The following PPM1G variants were observed in gnomAD, a reference collection of about 807,000 sequenced individuals.
PPM1G encodes the protein protein phosphatase 1G.
Under a neutral mutation model 59.4 loss-of-function variants are expected in PPM1G, and 12 were observed. The observed-to-expected ratio is 0.20, with a 90% CI of 0.13 to 0.33. The LOEUF (loss-of-function observed/expected upper bound fraction) is 0.33, where lower values mean the gene tolerates loss of function less well. PPM1G is among the 10% of genes least tolerant of loss of function. The pLI, the probability that PPM1G is intolerant of heterozygous loss-of-function variation, is 1.00. For missense variants in PPM1G, 392 were observed against 681.3 expected (o/e 0.58, Z 4.73); for synonymous variants, 245 against 251.9 (o/e 0.97, Z 0.26).
chr2:27,392,297 T>G lies in PPM1G; in HGVS notation c.121-5139A>C, dbSNP rs532461517. Reference sequence around the variant, plus strand: ...TGTTGGTTTGTTTTGTTTTTTTTTTTTTTTTTTTTTTTTGAGAGAGAGAAT... The same window carrying G: ...TGTTGGTTTGTTTTGTTTTTTTTTTGTTTTTTTTTTTTTGAGAGAGAGAAT... On this transcript the variant is annotated intron_variant, in intron 1 of 9. Coordinates refer to ENST00000344034, the MANE Select transcript of PPM1G (RefSeq NM_177983.3). Among the ~76,000 whole-genome samples, 93 of 143,702 alleles carry G rather than the reference T, an allele frequency of 6.5e-4. No individual in the cohort carries two copies. The South Asian group carries it at 0.02, about 31-fold the overall frequency. 94.3% of individuals were successfully genotyped at this position (143,702 alleles called of 152,430 possible).
chr2:27,407,060 G>T lies in PPM1G; in HGVS notation c.120+2243C>A, dbSNP rs554550562. ...GGCTCACTGCAACCTCCGCCTCTGG[G>T]ATTCAAGCGATTCTCCTGCCTCAGC... On this transcript the variant is annotated intron_variant, in intron 1 of 9. Transcript: ENST00000344034. Among the ~76,000 whole-genome samples, 5 of 151,744 alleles carry T rather than the reference G, an allele frequency of 3.3e-5. No homozygotes were observed. The South Asian group carries it at 1.0e-3, about 32-fold the overall frequency.
At chr2:27,399,269 ACT>A (rs982548788) in intron 1 of PPM1G, among the ~76,000 whole-genome samples, 2 of 152,174 alleles carry the variant, frequency 1.3e-5, no homozygotes, top group Admixed American at 1.3e-4. Context: ...CACATAAAGA[ACT>A]CTTACACATC....
At chr2:27,397,308 T>C (rs1046623605) in intron 1 of PPM1G, among the ~76,000 whole-genome samples, 3 of 113,696 alleles carry the variant, frequency 2.6e-5, no homozygotes, top group African/African-American at 1.4e-4. Context: ...TCCCATCACA[T>C]AGAAAAGAAG....
At chr2:27,394,481 AC>A (rs1488445779) in intron 1 of PPM1G, among the ~76,000 whole-genome samples, 2 of 151,874 alleles carry the variant, frequency 1.3e-5, no homozygotes, top group Non-Finnish European at 2.9e-5. Context: ...CTGTAATCCC[AC>A]CACTTTGGGA....
chr2:27,397,456 A>C (rs1684079337), intron 1 of PPM1G, among the ~76,000 whole-genome samples: 1 of 152,206 alleles, frequency 6.6e-6, no homozygotes, highest in Non-Finnish European at 1.5e-5. Flanking sequence ...TAGCAAACTA[A>C]ATCCAGCACC....
intron 2 of PPM1G, chr2:27,386,583 C>A (rs1340887235): frequency 9.5e-6 from 2 of 211,218 alleles, no homozygotes; most frequent in East Asian, 2.3e-4. Flanking sequence ...AGACAAGAGT[C>A]TTGCTCTGTT....
chr2:27,400,003 A>G (rs1396551495), intron 1 of PPM1G, among the ~76,000 whole-genome samples: 2 of 151,842 alleles, frequency 1.3e-5, no homozygotes, highest in Non-Finnish European at 2.9e-5. Flanking sequence ...TAATGAATGG[A>G]TAAACAAAAT....
chr2:27,390,034 C>T (rs1211713452), intron 1 of PPM1G, among the ~76,000 whole-genome samples: 18 of 149,052 alleles, frequency 1.2e-4, no homozygotes, highest in South Asian at 6.3e-4. Context: ...ATCTTGTTTT[C>T]TTTTTTTTTT....
intron 1 of PPM1G, among the ~76,000 whole-genome samples, chr2:27,404,014 G>A (rs568521693): frequency 1.3e-5 from 2 of 152,236 alleles, no homozygotes; most frequent in South Asian, 2.1e-4. Context: ...CCCTAAGGTA[G>A]AACCCCATAG....
Position 27,383,942 on chromosome 2 carries a change from C to T in PPM1G, c.966+10G>A. 1 of 1,552,122 alleles carries T rather than the reference C, an allele frequency of 6.4e-7. No individual in the cohort carries two copies. Among genetic ancestry groups the T allele is most frequent in the Non-Finnish European group, 8.7e-7 (1 of 1,147,080 alleles). On this transcript the variant is annotated intron_variant, in intron 6 of 9. Transcript: ENST00000344034. The surrounding 1 kb of genome is among the most constrained non-coding windows in gnomAD (Gnocchi z 5.0). ...CTTTTCAAGACTCATTGCTCCCCTT[C>T]CCCACACACCTCCTCTTTGCCTTCC...
intron 3 of PPM1G, 77 bp downstream of exon 3, chr2:27,386,113 AAAAG>A (rs761355704): frequency 3.3e-5 from 46 of 1,387,064 alleles, no homozygotes; most frequent in Non-Finnish European, 3.9e-5. Flanking sequence ...CTAGAGGACA[AAAAG>A]AAAGGAAAAG....
At position 27,382,050 on chromosome 2, in the gene PPM1G, C is replaced by A; in HGVS notation, c.1434+76G>T. The A allele has an allele frequency of 1.4e-6, 2 of 1,422,540 alleles. No individual in the cohort carries two copies. Among genetic ancestry groups the A allele is most frequent in the South Asian group, 1.2e-5 (1 of 86,020 alleles). 88.1% of individuals were successfully genotyped at this position (1,422,540 alleles called of 1,614,324 possible). A position where few individuals can be genotyped will look rare whatever the true frequency, so the allele number is the denominator to read the frequency against. Reference sequence around the variant, plus strand: ...ATTACTGATAATGCTCCCAGATTGCCGACTTAGCTCAGATTAAAAGAGTGA... The same window carrying A: ...ATTACTGATAATGCTCCCAGATTGCAGACTTAGCTCAGATTAAAAGAGTGA... On this transcript the variant is annotated intron_variant, in intron 9 of 9. Coordinates refer to ENST00000344034, the MANE Select transcript of PPM1G (RefSeq NM_177983.3). This position sits in a 1 kb window ranked among gnomAD's most constrained non-coding sequence, Gnocchi z 4.2.
chr2:27,392,298 T>G (rs143820230), intron 1 of PPM1G, among the ~76,000 whole-genome samples: 55,949 of 143,754 alleles, frequency 0.39, 11,451 homozygotes, highest in Admixed American at 0.45. Flanking sequence ...TTTTTTTTTT[T>G]TTTTTTTTTT....
chr2:27,392,286 G>T (rs190491125), intron 1 of PPM1G, among the ~76,000 whole-genome samples: 1,727 of 70,170 alleles, frequency 0.025, 35 homozygotes, highest in African/African-American at 0.033. Flanking sequence ...GGTTTGTTTT[G>T]TTTTTTTTTT....
chr2:27,402,839 A>C (rs1684216144), intron 1 of PPM1G, among the ~76,000 whole-genome samples: 1 of 148,474 alleles, frequency 6.7e-6, no homozygotes, highest in Non-Finnish European at 1.5e-5. Flanking sequence ...TAAATAAATA[A>C]ATAAATAAAT....
intron 2 of PPM1G, 173 bp downstream of exon 2, chr2:27,386,916 A>G (rs1261170084): frequency 3.4e-6 from 2 of 593,114 alleles, no homozygotes; most frequent in East Asian, 2.8e-5. Flanking sequence ...TTATAAACCA[A>G]TACAGTACCT....
At chr2:27,409,085 C>T (rs1385107132) in intron 1 of PPM1G, among the ~76,000 whole-genome samples, 1 of 152,170 alleles carries the variant, frequency 6.6e-6, no homozygotes, top group Non-Finnish European at 1.5e-5. Flanking sequence ...TCCCACATGG[C>T]CGAGCCCTCG....
intron 1 of PPM1G, among the ~76,000 whole-genome samples, chr2:27,392,071 A>C (rs1463008263): frequency 6.6e-6 from 1 of 151,104 alleles, no homozygotes; most frequent in East Asian, 1.9e-4. Context: ...TAACACATGT[A>C]ATCAGGAAAT....
chr2:27,403,590 A>G (rs1684234897), intron 1 of PPM1G, among the ~76,000 whole-genome samples: 2 of 152,052 alleles, frequency 1.3e-5, no homozygotes. Context: ...ACCACATTCT[A>G]GACAAAGAAA....
Sources: allele counts gnomAD v4.1 joint callset (sites outside exome capture counted in the v4.1 genomes callset), GRCh38; gene constraint gnomAD v4.1.1; non-coding constraint Gnocchi (gnomAD v3.1); transcripts MANE v1.5; gene names NCBI Gene and HGNC (gene_info 2026-07-23, HGNC 2026-07-21).